TBC1D8B: variants seen among roughly 807,000 people sequenced by gnomAD.
The protein encoded by TBC1D8B is RP11-321G1.1.
Under a neutral mutation model 82.9 loss-of-function variants are expected in TBC1D8B, and 75 were observed. That is an observed-to-expected ratio of 0.90 (90% confidence interval 0.75 to 1.10). TBC1D8B has a LOEUF of 1.10. TBC1D8B is among the 50% of genes least tolerant of loss of function. The pLI is 0.00. For synonymous variants in TBC1D8B, 276 were observed against 276.8 expected (o/e 1.00, Z 0.03); for missense variants, 794 against 796.9 (o/e 1.00, Z 0.04).
At chrX:106,850,980 G>C (rs759281658) in intron 12 of TBC1D8B, among the ~76,000 whole-genome samples, 1 of 111,742 alleles carries the variant, frequency 8.9e-6, no homozygotes, top group East Asian at 2.8e-4. Context: ...TTACTGAGCT[G>C]TGTGGTATTT....
At position 106,840,894 on chromosome X, in the gene TBC1D8B, A is replaced by C. The variant is rs761569854; in HGVS notation, c.1719+10A>C. The C allele has an allele frequency of 1.7e-5, 20 of 1,184,579 alleles. No homozygotes were observed. The highest frequency in any genetic ancestry group is 4.4e-5 in the Admixed American group (2 of 45,699). ...AATTGGATACTGCCAGGTATGACTT[A>C]ACTATGAGCCCAACTGTGTGTATGT... On this transcript the variant is annotated intron_variant, in intron 10 of 20. Coordinates refer to ENST00000357242, the MANE Select transcript of TBC1D8B (RefSeq NM_017752.3).
At chrX:106,803,755 GT>G (rs1931106179) in intron 1 of TBC1D8B, among the ~76,000 whole-genome samples, 1 of 111,451 alleles carries the variant, frequency 9.0e-6, no homozygotes, top group Non-Finnish European at 1.9e-5. Flanking sequence ...CTTAAAAAGT[GT>G]TTTTTGGCCA....
chrX:106,825,409 A>G (rs1434385481), intron 5 of TBC1D8B, among the ~76,000 whole-genome samples: 1 of 111,652 alleles, frequency 9.0e-6, no homozygotes, highest in East Asian at 2.8e-4. Flanking sequence ...CTTTTTACAC[A>G]AAGGCTACAT....
Position 106,874,139 on chromosome X carries a change from G to C in TBC1D8B, c.*174G>C, listed in dbSNP as rs772021022. On this transcript the variant is annotated 3_prime_UTR_variant, in exon 21 of 21. Coordinates refer to ENST00000357242, the MANE Select transcript of TBC1D8B (RefSeq NM_017752.3). ...TTGTTGTTGATAATGGGCTTTGTTA[G>C]CACTTTTTAAAACAAACAAACAAAC... 123 of 384,501 alleles carry C rather than the reference G, an allele frequency of 3.2e-4. 1 individual carries two copies. In the Admixed American group the frequency reaches 6.0e-3, roughly 19 times the overall value. 31.7% of individuals were successfully genotyped at this position (384,501 alleles called of 1,213,427 possible).
chrX:106,830,594 A>G (rs1016701357), intron 7 of TBC1D8B, among the ~76,000 whole-genome samples: 1 of 110,960 alleles, frequency 9.0e-6, no homozygotes, highest in Non-Finnish European at 1.9e-5. Flanking sequence ...GCACATATAC[A>G]CCATGGAATA....
At chrX:106,832,377 A>G (rs1212078895) in intron 7 of TBC1D8B, among the ~76,000 whole-genome samples, 5 of 111,620 alleles carry the variant, frequency 4.5e-5, no homozygotes, top group Admixed American at 9.6e-5. Flanking sequence ...AAATTCTAAT[A>G]AACTGCTTGG....
chrX:106,845,336 G>A (rs531657609), intron 10 of TBC1D8B, among the ~76,000 whole-genome samples: 12 of 108,341 alleles, frequency 1.1e-4, no homozygotes, highest in Admixed American at 9.9e-5. Context: ...TTTAGGGTAC[G>A]TGTGCACAAT....
chrX:106,824,403 C>G lies in TBC1D8B; in HGVS notation c.827+937C>G, dbSNP rs755304384. ...TCCTCTTACCTGTTCCTAAACTATT[C>G]CTAAAATTGATATACATGAGGATTT... is the stretch of plus-strand genomic sequence containing the variant. On this transcript the variant is annotated intron_variant, in intron 5 of 20. Coordinates refer to ENST00000357242, the MANE Select transcript of TBC1D8B (RefSeq NM_017752.3). Among the ~76,000 whole-genome samples, 17 of 111,039 alleles carry G rather than the reference C, an allele frequency of 1.5e-4. 1 individual carries two copies. The highest frequency in any genetic ancestry group is 1.3e-3 in the Admixed American group (14 of 10,384).
intron 7 of TBC1D8B, among the ~76,000 whole-genome samples, chrX:106,830,289 G>A (rs1408176203): frequency 9.0e-6 from 1 of 111,539 alleles, no homozygotes; most frequent in East Asian, 2.8e-4. Context: ...AAAAAGTCAG[G>A]AAACAGCAGG....
chrX:106,870,627 A>G, intron 19 of TBC1D8B, 89 bp from the exon 20 acceptor site: 1 of 560,094 alleles, frequency 1.8e-6, no homozygotes, highest in Non-Finnish European at 2.9e-6. Flanking sequence ...ATCTCAGTGA[A>G]ATACCTTTTA....
chrX:106,850,362 T>A (rs756735828), intron 12 of TBC1D8B, 52 bp downstream of exon 12: 6 of 1,089,762 alleles, frequency 5.5e-6, no homozygotes, highest in Non-Finnish European at 6.1e-6. Flanking sequence ...AGAGATGATG[T>A]TGTTCAATCC....
intron 20 of TBC1D8B, among the ~76,000 whole-genome samples, chrX:106,872,587 C>T (rs1932857171): frequency 9.4e-6 from 1 of 106,784 alleles, no homozygotes; most frequent in African/African-American, 3.5e-5. Flanking sequence ...AAAGTGCAGC[C>T]TAATTTATGC....
At chrX:106,819,498 T>C (rs1226011057) in intron 2 of TBC1D8B, among the ~76,000 whole-genome samples, 2 of 111,509 alleles carry the variant, frequency 1.8e-5, no homozygotes, top group East Asian at 5.6e-4. Flanking sequence ...AAAAACTGCC[T>C]TTCTTCTTAT....
chrX:106,860,793 C>A (rs73247966), intron 14 of TBC1D8B, among the ~76,000 whole-genome samples: 11,488 of 110,474 alleles, frequency 0.1, 631 homozygotes, highest in Non-Finnish European at 0.16. Context: ...TTCTTGTTTT[C>A]CTAGTTCCTC....
chrX:106,840,232 A>C (rs377279485), intron 9 of TBC1D8B, 34 bp downstream of exon 9: 3 of 1,153,120 alleles, frequency 2.6e-6, no homozygotes, highest in African/African-American at 3.6e-5. Flanking sequence ...TATTTAATAG[A>C]CATTAACTAT....
intron 1 of TBC1D8B, among the ~76,000 whole-genome samples, chrX:106,817,306 G>T (rs1397487748): frequency 9.0e-6 from 1 of 111,125 alleles, no homozygotes; most frequent in Non-Finnish European, 1.9e-5. Context: ...TTATATACAT[G>T]AAGCTCTTAG....
At chrX:106,827,046 T>C in intron 6 of TBC1D8B, 124 bp from the exon 7 acceptor site, 2 of 710,490 alleles carry the variant, frequency 2.8e-6, no homozygotes, top group South Asian at 5.5e-5. Context: ...CAAAGTCTAT[T>C]TCTTAATAAG....
chrX:106,869,606 C>T, intron 19 of TBC1D8B, 65 bp downstream of exon 19: 1 of 930,385 alleles, frequency 1.1e-6, no homozygotes, highest in African/African-American at 1.9e-5. Context: ...AGGATAGCTA[C>T]AAAGGGGGAA....
At chrX:106,820,301 A>G (rs1334760166) in intron 2 of TBC1D8B, among the ~76,000 whole-genome samples, 1 of 111,043 alleles carries the variant, frequency 9.0e-6, no homozygotes, top group Non-Finnish European at 1.9e-5. Context: ...TAACCTTGCT[A>G]CAGAATTTCT....
Sources: gnomAD v4.1 joint callset for allele counts (sites outside exome capture counted in the v4.1 genomes callset) on GRCh38, gnomAD v4.1.1 for gene constraint, MANE v1.5 for transcripts, NCBI Gene and HGNC (gene_info 2026-07-23, HGNC 2026-07-21) for gene names.